RB1CC1: variants seen among roughly 807,000 people sequenced by gnomAD.
RB1CC1 encodes RB1-inducible coiled-coil protein 1.
RB1CC1 carries 46 observed loss-of-function variants against 177.5 expected under a neutral mutation model. The observed-to-expected ratio is 0.26, with a 90% CI of 0.20 to 0.33. RB1CC1 has a LOEUF of 0.33. Ranked by LOEUF, RB1CC1 falls within the 10% of genes least tolerant of loss-of-function variation. The pLI, the probability that RB1CC1 is intolerant of heterozygous loss-of-function variation, is 1.00. For synonymous variants in RB1CC1, 666 were observed against 613.6 expected, an observed-to-expected ratio of 1.09 and a Z score of -1.26; for missense variants, 1,703 against 1,816.3, an observed-to-expected ratio of 0.94 and a Z score of 1.13.
At chr8:52,642,990 C>T in intron 16 of RB1CC1, 178 bp from the exon 17 acceptor site, 1 of 659,828 alleles carries the variant, frequency 1.5e-6, no homozygotes, top group Admixed American at 4.0e-5. Context: ...GTTCTACTTT[C>T]TTGGTTCCAA....
intron 12 of RB1CC1, among the ~76,000 whole-genome samples, chr8:52,659,894 G>A (rs1388821383): frequency 6.6e-6 from 1 of 152,174 alleles, no homozygotes; most frequent in East Asian, 1.9e-4. Context: ...CTACTTGGGA[G>A]GCTGAGGCAC....
intron 16 of RB1CC1, among the ~76,000 whole-genome samples, chr8:52,644,643 T>C (rs1170748772): frequency 1.3e-5 from 2 of 152,160 alleles, no homozygotes; most frequent in African/African-American, 2.4e-5. Flanking sequence ...CTTTTTTTTC[T>C]GGTTGTGCTT....
In RB1CC1 at chr8:52,656,847, T is replaced by C; in HGVS notation, c.2982A>G (p.Thr994=). Reference sequence around the variant, plus strand: ...ACTCTTGTATGTGCCTAACCTGAAGTGTGTCCTCTAATTCCTTTAGATGAC... The same window carrying C: ...ACTCTTGTATGTGCCTAACCTGAAGCGTGTCCTCTAATTCCTTTAGATGAC... ...EQSHLKELED[T]LQVRHIQEFE... Residue 994 remains threonine, a synonymous_variant, in exon 15 of 24, where the codon ACA becomes ACG. Coordinates refer to ENST00000025008, the MANE Select transcript of RB1CC1 (RefSeq NM_014781.5). 1.9e-6 allele frequency: 3 copies of C among 1,613,768 alleles called. No homozygotes were observed. The highest frequency in any genetic ancestry group is 2.5e-6 in the Non-Finnish European group (3 of 1,179,988).
chr8:52,673,172 T>C (rs1162999269), intron 7 of RB1CC1, among the ~76,000 whole-genome samples: 5 of 152,238 alleles, frequency 3.3e-5, no homozygotes, highest in Non-Finnish European at 7.3e-5. Context: ...TTAACAATTA[T>C]CTTTTGACAA....
At chr8:52,703,307 A>G (rs1856255178) in intron 1 of RB1CC1, among the ~76,000 whole-genome samples, 1 of 152,182 alleles carries the variant, frequency 6.6e-6, no homozygotes, top group Non-Finnish European at 1.5e-5. Flanking sequence ...AGCACCTACT[A>G]TCTGCAGATT....
chr8:52,630,564 T>C, intron 20 of RB1CC1, 36 bp from the exon 21 acceptor site: 4 of 1,532,252 alleles, frequency 2.6e-6, no homozygotes, highest in Non-Finnish European at 3.5e-6. Flanking sequence ...ACTTACACAA[T>C]TTGAGTACCA....
rs1180327087 is a variant in RB1CC1, at chr8:52,656,729, C to T, written c.3100G>A (p.Glu1034Lys). Residue 1034 changes from glutamate (E) to lysine (K), a missense_variant, in exon 15 of 24, where the codon GAA becomes AAA. Transcript: ENST00000025008. ...IINQIQESHA[E>K]IIQEKEKQLQ... ...TGTTTTTCTTTTTCCTGGATAATTT[C>T]AGCATGAGATTCTTGTATTTGATTA... 2.5e-6 allele frequency: 4 copies of T among 1,613,584 alleles called. No homozygotes were observed. The highest frequency in any genetic ancestry group is 3.4e-6 in the Non-Finnish European group (4 of 1,179,826).
Position 52,656,580 on chromosome 8 carries a change from G to A in RB1CC1, c.3249C>T (p.Ala1083=). ...EIKILLEESR[A]QQKETLKSLL... Reference sequence around the variant, plus strand: ...GAGATTTCAAGGTCTCCTTCTGCTGGGCTCTGCTTTCTTCCAGCAAAATTT... The same window carrying A: ...GAGATTTCAAGGTCTCCTTCTGCTGAGCTCTGCTTTCTTCCAGCAAAATTT... The change falls in exon 15 of 24, where the codon GCC becomes GCT. Residue 1083 remains alanine, a synonymous_variant. Transcript: ENST00000025008. 1.9e-6 allele frequency: 3 copies of A among 1,612,304 alleles called. No homozygotes were observed. In the East Asian group the frequency reaches 6.7e-5, roughly 36 times the overall value.
In RB1CC1 at chr8:52,656,457, C is replaced by T; in HGVS notation, c.3372G>A (p.Glu1124=). The part of the protein sequence containing the change: ...NNENYQVGLA[E]LRTLMTIEKD... ...TTTCAATTGTCATTAAAGTTCTTAG[C>T]TCTGCTAAGCCCACCTGATAATTTT... is the stretch of plus-strand genomic sequence containing the variant. The change falls in exon 15 of 24, where the codon GAG becomes GAA. Residue 1124 remains glutamate, a synonymous_variant. Transcript: ENST00000025008. 1 of 1,611,294 alleles carries T rather than the reference C, an allele frequency of 6.2e-7. No homozygotes were observed. Among genetic ancestry groups the T allele is most frequent in the Non-Finnish European group, 8.5e-7 (1 of 1,179,676 alleles).
intron 1 of RB1CC1, 64 bp downstream of exon 1, chr8:52,714,011 A>T: frequency 3.1e-6 from 1 of 320,846 alleles, no homozygotes; most frequent in South Asian, 2.2e-5. Flanking sequence ...CCACCGTGCC[A>T]GGGCCCGCCG....
intron 18 of RB1CC1, among the ~76,000 whole-genome samples, chr8:52,636,733 G>A (rs1849170397): frequency 6.6e-6 from 1 of 152,130 alleles, no homozygotes; most frequent in African/African-American, 2.4e-5. Flanking sequence ...TTACACTTAA[G>A]TCTATGATCT....
chr8:52,687,090 C>T, intron 1 of RB1CC1, 123 bp from the exon 2 acceptor site: 1 of 365,528 alleles, frequency 2.7e-6, no homozygotes, highest in South Asian at 2.1e-5. Flanking sequence ...GGCCCTTCTA[C>T]TTGCACATTC....
chr8:52,630,094 A>C (rs940035643), intron 21 of RB1CC1, among the ~76,000 whole-genome samples: 1 of 152,220 alleles, frequency 6.6e-6, no homozygotes, highest in Admixed American at 6.5e-5. Flanking sequence ...AATAAAATGA[A>C]ATCTAAAAAC....
intron 5 of RB1CC1, among the ~76,000 whole-genome samples, chr8:52,682,664 T>A (rs1242257300): frequency 6.6e-6 from 1 of 152,156 alleles, no homozygotes; most frequent in East Asian, 1.9e-4. Context: ...TTTAATACTT[T>A]CTCTATCAAA....
intron 21 of RB1CC1, among the ~76,000 whole-genome samples, chr8:52,628,532 A>G (rs1848547691): frequency 6.6e-6 from 1 of 152,218 alleles, no homozygotes; most frequent in East Asian, 1.9e-4. Context: ...TCAGAGAGAC[A>G]TCTCATATAC....
intron 8 of RB1CC1, among the ~76,000 whole-genome samples, chr8:52,665,159 A>T (rs1195407129): frequency 1.3e-5 from 2 of 152,212 alleles, no homozygotes; most frequent in Non-Finnish European, 2.9e-5. Flanking sequence ...CAAAATTTAA[A>T]GCTTCTGTTT....
chr8:52,695,508 T>C (rs1855316543), intron 1 of RB1CC1, among the ~76,000 whole-genome samples: 1 of 152,208 alleles, frequency 6.6e-6, no homozygotes, highest in African/African-American at 2.4e-5. Context: ...TCAGTTAAGT[T>C]CTGACCTCCA....
chr8:52,671,289 A>G (rs1304506900), intron 7 of RB1CC1, among the ~76,000 whole-genome samples: 1 of 152,210 alleles, frequency 6.6e-6, no homozygotes, highest in East Asian at 1.9e-4. Flanking sequence ...ATGTTACAAA[A>G]TACTGTTACA....
intron 15 of RB1CC1, among the ~76,000 whole-genome samples, chr8:52,652,542 A>G (rs1850696161): frequency 6.6e-6 from 1 of 151,842 alleles, no homozygotes; most frequent in Non-Finnish European, 1.5e-5. Context: ...ATTTCTTGCC[A>G]TTAATTTTTA....
Sources: allele counts gnomAD v4.1 joint callset (sites outside exome capture counted in the v4.1 genomes callset), GRCh38; gene constraint gnomAD v4.1.1; transcripts MANE v1.5; gene names NCBI Gene and HGNC (gene_info 2026-07-23, HGNC 2026-07-21).